Variants in RBMS3 observed in about 807,000 individuals in gnomAD.
The protein encoded by RBMS3 is RNA-binding motif, single-stranded-interacting protein 3.
Under a neutral mutation model 66.8 loss-of-function variants are expected in RBMS3, and 27 were observed. The observed-to-expected ratio is 0.40, with a 90% confidence interval of 0.30 to 0.56. The LOEUF is 0.56. Ranked by LOEUF, RBMS3 falls within the 20% of genes least tolerant of loss-of-function variation. RBMS3 has a pLI of 0.40. For missense variants in RBMS3, 513 were observed against 549.5 expected, an observed-to-expected ratio of 0.93 and a Z score of 0.66; for synonymous variants, 188 against 183.0, an observed-to-expected ratio of 1.03 and a Z score of -0.22.
intron 3 of RBMS3, among the ~76,000 whole-genome samples, chr3:29,494,984 G>T (rs548113191): frequency 6.6e-6 from 1 of 151,704 alleles, no homozygotes; most frequent in East Asian, 1.9e-4. Flanking sequence ...TCACAGGCTG[G>T]TTAAATTATA....
At chr3:29,523,392 T>G (rs2044944721) in intron 3 of RBMS3, among the ~76,000 whole-genome samples, 1 of 152,204 alleles carries the variant, frequency 6.6e-6, no homozygotes, top group South Asian at 2.1e-4. Context: ...GTTCTTTTTT[T>G]TTGTTTTTAA....
At chr3:29,283,897 A>G (rs985147708) in intron 1 of RBMS3, among the ~76,000 whole-genome samples, 1 of 152,132 alleles carries the variant, frequency 6.6e-6, no homozygotes, top group African/African-American at 2.4e-5. Context: ...AAACTTGCAT[A>G]GAGAGGAAAT....
At chr3:29,566,785 G>C (rs1576246546) in intron 3 of RBMS3, among the ~76,000 whole-genome samples, 2 of 152,174 alleles carry the variant, frequency 1.3e-5, no homozygotes, top group African/African-American at 2.4e-5. Context: ...GGTACAAATG[G>C]AATTTGGGGG....
chr3:29,753,830 A>T (rs897139037), intron 5 of RBMS3, among the ~76,000 whole-genome samples: 1 of 152,228 alleles, frequency 6.6e-6, no homozygotes, highest in Non-Finnish European at 1.5e-5. Context: ...AATTGAACTG[A>T]GCTGTGAAAT....
At chr3:29,920,574 C>T (rs1363271909) in intron 10 of RBMS3, among the ~76,000 whole-genome samples, 1 of 152,058 alleles carries the variant, frequency 6.6e-6, no homozygotes, top group African/African-American at 2.4e-5. Context: ...GTGAAATCAT[C>T]ATTTCATATT....
chr3:29,497,268 C>G (rs1299862967), intron 3 of RBMS3, among the ~76,000 whole-genome samples: 1 of 152,160 alleles, frequency 6.6e-6, no homozygotes, highest in Non-Finnish European at 1.5e-5. Flanking sequence ...CTCAACCTCC[C>G]AAATTGCTGG....
At chr3:29,448,760 A>G (rs1643313740) in intron 2 of RBMS3, among the ~76,000 whole-genome samples, 1 of 152,196 alleles carries the variant, frequency 6.6e-6, no homozygotes, top group African/African-American at 2.4e-5. Context: ...GCCTCCCGTT[A>G]CAAGTATTAT....
intron 4 of RBMS3, among the ~76,000 whole-genome samples, chr3:29,618,795 A>G (rs181808409): frequency 6.6e-6 from 1 of 152,256 alleles, no homozygotes; most frequent in East Asian, 1.9e-4. Context: ...GAAAATACCT[A>G]CCGTGCAGCC....
Position 29,668,469 on chromosome 3 carries a change from C to T in RBMS3, c.400-71251C>T, listed in dbSNP as rs987097021. 3.3e-5 allele frequency among the ~76,000 whole-genome samples: 5 copies of T among 151,996 alleles called. No homozygotes were observed. In the East Asian group the frequency reaches 5.8e-4, roughly 18 times the overall value. ...AACTGGAACTGCAGGTTTGCTGGAACGTGTAGCTGCCTACTGATGTTGAGG... is the reference window on the plus strand; with the variant it reads ...AACTGGAACTGCAGGTTTGCTGGAATGTGTAGCTGCCTACTGATGTTGAGG... On this transcript the variant is annotated intron_variant, in intron 4 of 14. Coordinates refer to ENST00000383767, the MANE Select transcript of RBMS3 (RefSeq NM_001003793.3).
intron 6 of RBMS3, among the ~76,000 whole-genome samples, chr3:29,776,759 CT>C (rs1309671077): frequency 2.0e-5 from 3 of 151,846 alleles, no homozygotes; most frequent in Non-Finnish European, 2.9e-5. Flanking sequence ...TGAGCATTAT[CT>C]GGTACATGGG....
chr3:29,584,768 A>G (rs1361521154), intron 3 of RBMS3, among the ~76,000 whole-genome samples: 2 of 152,034 alleles, frequency 1.3e-5, no homozygotes, highest in Non-Finnish European at 1.5e-5. Flanking sequence ...CCAAAATATA[A>G]CTCAAAGCAT....
At chr3:29,765,463 C>A (rs1356171494) in intron 6 of RBMS3, among the ~76,000 whole-genome samples, 1 of 151,838 alleles carries the variant, frequency 6.6e-6, no homozygotes, top group Non-Finnish European at 1.5e-5. Context: ...TGTGAATATG[C>A]TCAACTATAA....
chr3:29,932,403 A>G (rs1023106714), intron 10 of RBMS3, among the ~76,000 whole-genome samples: 10 of 152,182 alleles, frequency 6.6e-5, no homozygotes, highest in Non-Finnish European at 1.5e-4. Context: ...CAGTTTTTAG[A>G]CAGAGCATAC....
At chr3:29,885,258 G>T (rs1308346237) in intron 8 of RBMS3, among the ~76,000 whole-genome samples, 2 of 151,772 alleles carry the variant, frequency 1.3e-5, no homozygotes, top group Non-Finnish European at 2.9e-5. Flanking sequence ...GGTAGACTAG[G>T]GTAGGAGTAT....
rs114398397 is a variant in RBMS3 at position 29,448,592 on chromosome 3, A to G, written c.248+13677A>G. On this transcript the variant is annotated intron_variant, in intron 2 of 14. Coordinates refer to ENST00000383767, the MANE Select transcript of RBMS3 (RefSeq NM_001003793.3). ...TTGAATTGCAGCGAAAAGGACAATT[A>G]TAGTCAGAGTTGACATTTTAGTGAG... Among the ~76,000 whole-genome samples, 236 of 152,322 alleles carry G rather than the reference A, an allele frequency of 1.5e-3. 3 individuals are homozygous for G. Among genetic ancestry groups the G allele is most frequent in the African/African-American group, 5.3e-3 (222 of 41,576 alleles).
intron 4 of RBMS3, among the ~76,000 whole-genome samples, chr3:29,666,000 C>T (rs977016369): frequency 3.9e-5 from 6 of 152,182 alleles, no homozygotes; most frequent in African/African-American, 1.2e-4. Flanking sequence ...CCTCTCCTCA[C>T]CTTCTTGCTT....
At chr3:29,454,339 T>C (rs1320954172) in intron 2 of RBMS3, among the ~76,000 whole-genome samples, 1 of 152,214 alleles carries the variant, frequency 6.6e-6, no homozygotes, top group Admixed American at 6.5e-5. Context: ...CTGGCAAGAT[T>C]AGTTTCCCTC....
At chr3:29,602,513 A>G (rs975408371) in intron 4 of RBMS3, among the ~76,000 whole-genome samples, 2 of 152,030 alleles carry the variant, frequency 1.3e-5, no homozygotes, top group East Asian at 1.9e-4. Flanking sequence ...TAACTGGACT[A>G]TGTGCTAATC....
chr3:29,760,249 A>G (rs2055612697), intron 5 of RBMS3, among the ~76,000 whole-genome samples: 1 of 144,948 alleles, frequency 6.9e-6, no homozygotes, highest in Non-Finnish European at 1.5e-5. Context: ...ATTATGTAGA[A>G]TAAACACACA....
Sources: allele counts gnomAD v4.1 joint callset (sites outside exome capture counted in the v4.1 genomes callset), GRCh38; gene constraint gnomAD v4.1.1; transcripts MANE v1.5; gene names NCBI Gene and HGNC (gene_info 2026-07-23, HGNC 2026-07-21).